CSMD1: variants seen among roughly 807,000 people sequenced by gnomAD.
The protein encoded by CSMD1 is CUB and sushi domain-containing protein 1.
Under a neutral mutation model 417.5 loss-of-function variants are expected in CSMD1, and 213 were observed. The ratio of observed to expected loss-of-function variants is 0.51; its 90% CI spans 0.46 to 0.57. CSMD1 has a LOEUF of 0.57. Among genes scored for constraint, CSMD1 ranks in the 20% least tolerant of loss-of-function variants. The pLI is 0.00. For synonymous variants in CSMD1, 2,862 were observed against 1,736.8 expected (o/e 1.65, Z -16.11); for missense variants, 6,923 against 4,529.7 (o/e 1.53, Z -15.17).
chr8:4,940,206 G>A (rs1001969260), intron 1 of CSMD1, among the ~76,000 whole-genome samples: 1 of 152,134 alleles, frequency 6.6e-6, no homozygotes, highest in African/African-American at 2.4e-5. Context: ...GAAGATCCTG[G>A]CCACCCTAGT....
chr8:3,406,900 T>C (rs1161517), intron 14 of CSMD1, among the ~76,000 whole-genome samples: 150,677 of 152,302 alleles, frequency 0.99, 74,554 homozygotes, highest in Middle Eastern at 1. Flanking sequence ...TACATACTAG[T>C]GCTGTATTTT....
chr8:3,726,376 T>C (rs949424390), intron 6 of CSMD1, among the ~76,000 whole-genome samples: 5 of 152,168 alleles, frequency 3.3e-5, no homozygotes, highest in East Asian at 1.9e-4. Flanking sequence ...TCCACCACCA[T>C]CTTTCAGGCT....
At chr8:3,451,957 G>T (rs1449417657) in intron 12 of CSMD1, among the ~76,000 whole-genome samples, 2 of 151,860 alleles carry the variant, frequency 1.3e-5, no homozygotes, top group Non-Finnish European at 2.9e-5. Context: ...AACATGGAAT[G>T]TTCTTCCATT....
intron 45 of CSMD1, 32 bp downstream of exon 45, chr8:3,107,686 A>C (rs1416268177): frequency 8.0e-7 from 1 of 1,244,018 alleles, no homozygotes; most frequent in Admixed American, 1.9e-5. Context: ...TGTCGTGCTG[A>C]ATTCATGGTA....
chr8:4,099,567 G>C (rs933661619), intron 3 of CSMD1, among the ~76,000 whole-genome samples: 1 of 151,716 alleles, frequency 6.6e-6, no homozygotes. Context: ...TTTAAGGCAT[G>C]GCATATATCA....
intron 12 of CSMD1, among the ~76,000 whole-genome samples, chr8:3,441,050 G>C (rs561940706): frequency 3.9e-5 from 6 of 152,234 alleles, no homozygotes; most frequent in African/African-American, 1.2e-4. Context: ...GAATGCCTTT[G>C]TATGAAACAC....
At chr8:4,935,797 G>A (rs1358865583) in intron 1 of CSMD1, among the ~76,000 whole-genome samples, 1 of 152,184 alleles carries the variant, frequency 6.6e-6, no homozygotes, top group African/African-American at 2.4e-5. Context: ...ACAAGAATAG[G>A]AATTGCAACT....
chr8:3,515,522 C>T (rs1279281429), intron 10 of CSMD1, among the ~76,000 whole-genome samples: 1 of 152,058 alleles, frequency 6.6e-6, no homozygotes, highest in Non-Finnish European at 1.5e-5. Flanking sequence ...AAATGGTTGG[C>T]AACTGTTCAG....
rs566195505 is a variant in CSMD1, at chr8:3,457,231, C to T, written c.1561+11481G>A. The stretch of plus-strand genomic sequence containing the variant: ...CCCTCATCCTGCCCTCCTCACTGCA[C>T]CTCTCATCCTGGACTCGTGAACCTG... On this transcript the variant is annotated intron_variant, in intron 12 of 69. Transcript: ENST00000635120. Among the ~76,000 whole-genome samples the T allele has an allele frequency of 1.1e-4, 17 of 152,174 alleles. No homozygotes were observed. The East Asian group carries it at 2.3e-3, about 21-fold the overall frequency.
intron 1 of CSMD1, among the ~76,000 whole-genome samples, chr8:4,732,820 G>C (rs373685459): frequency 1.2e-4 from 18 of 152,276 alleles, no homozygotes; most frequent in African/African-American, 4.1e-4. Flanking sequence ...CAGTAAATGA[G>C]CTTGGAACTT....
chr8:4,296,618 T>G (rs906202715), intron 3 of CSMD1, among the ~76,000 whole-genome samples: 7 of 13,408 alleles, frequency 5.2e-4, no homozygotes, highest in Admixed American at 1.7e-3. Context: ...TATAATAGTT[T>G]GTTATTTAGT....
rs144901458 is a variant in CSMD1, at chr8:2,978,586, A to AGAAATTGG, written c.8566+18_8566+25dup. On this transcript the variant is annotated intron_variant, in intron 55 of 69. Transcript: ENST00000635120. ...GGTGACCTTGCAGGGGTCTCTGCAC[A>AGAAATTGG]GAAATTGGGAATAACCCTGACTTAC... The AGAAATTGG allele has an allele frequency of 9.4e-4, 1,457 of 1,553,118 alleles. 18 individuals carry two copies. In the East Asian group the frequency reaches 0.026, roughly 28 times the overall value.
intron 1 of CSMD1, among the ~76,000 whole-genome samples, chr8:4,671,081 G>T (rs977941377): frequency 2.6e-5 from 4 of 152,174 alleles, no homozygotes; most frequent in Non-Finnish European, 5.9e-5. Flanking sequence ...GCAGAACCCT[G>T]CTGGTTTGAA....
At chr8:3,987,788 C>T (rs966603426) in intron 5 of CSMD1, among the ~76,000 whole-genome samples, 5 of 152,178 alleles carry the variant, frequency 3.3e-5, no homozygotes, top group East Asian at 1.9e-4. Flanking sequence ...CTCTGCGCCA[C>T]GTCAAGAAGC....
intron 42 of CSMD1, among the ~76,000 whole-genome samples, chr8:3,113,551 G>T (rs1306178660): frequency 2.0e-5 from 3 of 152,220 alleles, no homozygotes; most frequent in Admixed American, 6.5e-5. Context: ...TAACTTGAAT[G>T]TCACGCCCAA....
At chr8:4,055,231 C>T (rs1282272012) in intron 3 of CSMD1, among the ~76,000 whole-genome samples, 2 of 152,122 alleles carry the variant, frequency 1.3e-5, no homozygotes, top group East Asian at 1.9e-4. Flanking sequence ...CATTTTGAGA[C>T]AATAGGATTA....
At chr8:3,910,993 T>G (rs73497911) in intron 5 of CSMD1, among the ~76,000 whole-genome samples, 3 of 152,192 alleles carry the variant, frequency 2.0e-5, no homozygotes, top group Non-Finnish European at 4.4e-5. Context: ...ACAAGACAGA[T>G]GTGGCCAAGT....
chr8:3,269,886 T>C (rs13274061), intron 26 of CSMD1, among the ~76,000 whole-genome samples: 51,319 of 151,778 alleles, frequency 0.34, 8,739 homozygotes, highest in African/African-American at 0.37. Flanking sequence ...CATGAGCCTC[T>C]AAAGCTCCTT....
rs1798819821 is a variant in CSMD1 at position 4,446,737 on chromosome 8, G to GTA, written c.303-26673_303-26672insTA. On this transcript the variant is annotated intron_variant, in intron 2 of 69. Transcript: ENST00000635120. ...CTGAGTTGTGTGTGTGTGTGTCTGT[G>GTA]TGTGTGTGTGTGTGTGTCTGTGTGT... Among the ~76,000 whole-genome samples the GTA allele has an allele frequency of 2.4e-5, 3 of 123,688 alleles. No homozygotes were observed. In the South Asian group the frequency reaches 8.3e-4, roughly 34 times the overall value. The allele number at this position is 123,688 out of a possible 152,430, so 81.1% of individuals were successfully genotyped here. A position where few individuals can be genotyped will look rare whatever the true frequency, so the allele number is the denominator to read the frequency against.
Sources: gnomAD v4.1 joint callset for allele counts (sites outside exome capture counted in the v4.1 genomes callset) on GRCh38, gnomAD v4.1.1 for gene constraint, MANE v1.5 for transcripts, NCBI Gene and HGNC (gene_info 2026-07-23, HGNC 2026-07-21) for gene names.